Variants in CELF2 observed in about 807,000 individuals in gnomAD.
CELF2 encodes the protein CUGBP Elav-like family member 2.
In CELF2, 8 loss-of-function variants were observed where a neutral mutation model predicts 62.6. That is an observed-to-expected ratio of 0.13 (90% CI 0.07 to 0.23). The LOEUF is 0.23. Ranked by LOEUF, CELF2 falls within the 10% of genes least tolerant of loss-of-function variation. The pLI is 1.00. For missense variants in CELF2, 333 were observed against 671.0 expected (o/e 0.50, Z 5.56); for synonymous variants, 258 against 250.0 (o/e 1.03, Z -0.30).
chr10:10,847,885 A>G (rs540086909), intron 1 of CELF2, among the ~76,000 whole-genome samples: 3 of 152,370 alleles, frequency 2.0e-5, no homozygotes, highest in Non-Finnish European at 2.9e-5. Flanking sequence ...GGCTGCACAC[A>G]CAGCAAAAAT....
chr10:10,713,283 T>G, the CELF2 span, among the ~76,000 whole-genome samples: 1 of 152,254 alleles, frequency 6.6e-6, no homozygotes, highest in Non-Finnish European at 1.5e-5. Context: ...TTATTTTTTA[T>G]GTACGCATTG....
At chr10:10,703,250 G>A in the CELF2 span, among the ~76,000 whole-genome samples, 12 of 152,268 alleles carry the variant, frequency 7.9e-5, no homozygotes, top group African/African-American at 2.6e-4. Flanking sequence ...AGTTGTAATT[G>A]TCTGCTTTTT....
intron 1 of CELF2, among the ~76,000 whole-genome samples, chr10:11,069,685 G>A (rs1485780229): frequency 2.0e-5 from 3 of 152,190 alleles, no homozygotes; most frequent in Admixed American, 2.0e-4. Context: ...AATATATGAT[G>A]TAGAAATGAA....
rs537758316 is a variant in CELF2 at position 11,217,980 on chromosome 10, C to T, written c.354+473C>T. ...TTTCTAAACAGTCAATGGTGGTTAA[C>T]AAAGTCAGTGTTTTAATACCCAATT... is the stretch of plus-strand genomic sequence containing the variant. On this transcript the variant is annotated intron_variant, in intron 3 of 12. Transcript: ENST00000633077. This position sits in a 1 kb window ranked among gnomAD's most constrained non-coding sequence, Gnocchi z 5.6. Among the ~76,000 whole-genome samples the T allele has an allele frequency of 1.3e-5, 2 of 152,268 alleles. No homozygotes were observed. Among genetic ancestry groups the T allele is most frequent in the South Asian group, 4.1e-4 (2 of 4,824 alleles).
chr10:10,545,559 T>G, the CELF2 span, among the ~76,000 whole-genome samples: 1 of 152,216 alleles, frequency 6.6e-6, no homozygotes, highest in Admixed American at 6.5e-5. Flanking sequence ...TGCGGCCACA[T>G]AGGCCACAAA....
Position 11,087,114 on chromosome 10 carries a change from A to T in CELF2, c.74+68951A>T, listed in dbSNP as rs551999168. On this transcript the variant is annotated intron_variant, in intron 1 of 12. Coordinates refer to ENST00000633077, the MANE Select transcript of CELF2 (RefSeq NM_001326342.2). ...TCCCCAAAATATAAAGCACTGTGAC[A>T]TCAGTGCTGTCTTACATCTCTAAAG... 2.6e-5 allele frequency among the ~76,000 whole-genome samples: 4 copies of T among 152,346 alleles called. No individual in the cohort carries two copies. In the South Asian group the frequency reaches 6.2e-4, roughly 24 times the overall value.
At chr10:10,533,624 G>C in the CELF2 span, among the ~76,000 whole-genome samples, 1 of 152,236 alleles carries the variant, frequency 6.6e-6, no homozygotes, top group African/African-American at 2.4e-5. Flanking sequence ...CTGTCTGTAT[G>C]CCCTTGGGCG....
intron 11 of CELF2, among the ~76,000 whole-genome samples, chr10:11,325,410 A>G (rs1292610790): frequency 6.6e-6 from 1 of 152,208 alleles, no homozygotes; most frequent in African/African-American, 2.4e-5. Flanking sequence ...CATTATTGTC[A>G]ATTGTTACAA....
chr10:10,539,578 AG>A, the CELF2 span, among the ~76,000 whole-genome samples: 2 of 152,226 alleles, frequency 1.3e-5, no homozygotes, highest in Middle Eastern at 3.4e-3. Flanking sequence ...TCCCTGAACC[AG>A]GGTCCTGTGA....
At chr10:10,718,114 C>T in the CELF2 span, among the ~76,000 whole-genome samples, 1 of 152,084 alleles carries the variant, frequency 6.6e-6, no homozygotes, top group Admixed American at 6.6e-5. Context: ...AAGGATGAAG[C>T]TACCTATAAA....
Position 11,165,741 on chromosome 10 carries a change from G to C in CELF2, c.271+59G>C. 6.7e-7 allele frequency: 1 copy of C among 1,483,984 alleles called. No homozygotes were observed. Among genetic ancestry groups the C allele is most frequent in the Non-Finnish European group, 9.1e-7 (1 of 1,098,090 alleles). 91.9% of individuals were successfully genotyped at this position (1,483,984 alleles called of 1,614,324 possible). On this transcript the variant is annotated intron_variant, in intron 2 of 12. Transcript: ENST00000633077. The surrounding 1 kb of genome is among the most constrained non-coding windows in gnomAD (Gnocchi z 7.4). ...CAGGTGGGCGTCGCGGGGCACTGGG[G>C]CTGTCCGAGCCCCCAGCCTGCAGGA...
At chr10:11,201,044 TCTAC>T (rs2059109323) in intron 2 of CELF2, among the ~76,000 whole-genome samples, 1 of 152,254 alleles carries the variant, frequency 6.6e-6, no homozygotes, top group Admixed American at 6.5e-5. Context: ...AATGGCTTTG[TCTAC>T]CTGACTTCTC....
At chr10:10,472,371 T>C in the CELF2 span, among the ~76,000 whole-genome samples, 1 of 151,850 alleles carries the variant, frequency 6.6e-6, no homozygotes, top group Non-Finnish European at 1.5e-5. Context: ...ATCTGCTGAG[T>C]TTCTCTGGTA....
chr10:10,798,663 G>A (rs1303396996), exon 1 of CELF2: 4 of 398,426 alleles, frequency 1.0e-5, no homozygotes, highest in African/African-American at 6.2e-5. Context: ...GGGAGCCGCG[G>A]GGCGCCAGGG....
chr10:11,204,770 C>T (rs781122396), intron 2 of CELF2, among the ~76,000 whole-genome samples: 1 of 152,236 alleles, frequency 6.6e-6, no homozygotes, highest in South Asian at 2.1e-4. Context: ...CCCAGGCTTC[C>T]GCCGGACATC....
intron 2 of CELF2, among the ~76,000 whole-genome samples, chr10:10,991,364 C>A (rs1592807448): frequency 6.6e-6 from 1 of 152,266 alleles, no homozygotes; most frequent in East Asian, 1.9e-4. Flanking sequence ...CTATGAGGCA[C>A]ACGCTAAGGG....
intron 1 of CELF2, among the ~76,000 whole-genome samples, chr10:10,817,950 T>C (rs1178718187): frequency 3.9e-5 from 6 of 152,184 alleles, no homozygotes; most frequent in Non-Finnish European, 8.8e-5. Context: ...TTCATAACTG[T>C]AGGACCTTAG....
rs2046408732 is a variant in CELF2 at position 10,936,515 on chromosome 10, GA to G, written c.89+16517del. 1 of 152,296 alleles carries G rather than the reference GA, an allele frequency of 6.6e-6. No individual in the cohort carries two copies. Among genetic ancestry groups the G allele is most frequent in the African/African-American group, 2.4e-5 (1 of 41,538 alleles). 9.4% of individuals were successfully genotyped at this position (152,296 alleles called of 1,614,324 possible). Reference sequence around the variant, plus strand: ...ATGACCACACTGTGTGGGATCACTGGACAAGCTAACATTTTCTTGGGGTGGA... The same window carrying G: ...ATGACCACACTGTGTGGGATCACTGGCAAGCTAACATTTTCTTGGGGTGGA... On this transcript the variant is annotated intron_variant, in intron 2 of 13. Transcript: ENST00000636488. The surrounding 1 kb of genome is among the most constrained non-coding windows in gnomAD (Gnocchi z 4.0).
At chr10:10,722,532 C>A in the CELF2 span, among the ~76,000 whole-genome samples, 4 of 152,106 alleles carry the variant, frequency 2.6e-5, no homozygotes, top group African/African-American at 9.7e-5. Context: ...CAACTATGTC[C>A]CTTTTTCTTT....
Sources: allele counts gnomAD v4.1 joint callset (sites outside exome capture counted in the v4.1 genomes callset), GRCh38; gene constraint gnomAD v4.1.1; non-coding constraint Gnocchi (gnomAD v3.1); transcripts MANE v1.5; gene names NCBI Gene and HGNC (gene_info 2026-07-23, HGNC 2026-07-21).